Variants in CHIT1 observed in about 807,000 individuals in gnomAD.
CHIT1 encodes the protein chitotriosidase-1.
In CHIT1, 47 loss-of-function variants were observed where a neutral mutation model predicts 52.0. That is an observed-to-expected ratio of 0.90 (90% CI 0.71 to 1.15). The LOEUF (loss-of-function observed/expected upper bound fraction) is 1.15, where lower values mean the gene tolerates loss of function less well. Among genes scored for constraint, CHIT1 ranks in the 50% most tolerant of loss-of-function variants. CHIT1 has a pLI of 0.00. For missense variants in CHIT1, 569 were observed against 583.0 expected (o/e 0.98, Z 0.25); for synonymous variants, 242 against 228.2 (o/e 1.06, Z -0.54).
rs1289448096 is a variant in CHIT1, at chr1:203,220,621, C to A, written c.730-772G>T. On this transcript the variant is annotated intron_variant, in intron 7 of 10. Transcript: ENST00000367229. Reference sequence around the variant, plus strand: ...TTAAGCCAAGAGTATGGTTCACTTTCCCCCAGAAGCTGCCCTAGTTTTGTC... The same window carrying A: ...TTAAGCCAAGAGTATGGTTCACTTTACCCCAGAAGCTGCCCTAGTTTTGTC... Among the ~76,000 whole-genome samples the A allele has an allele frequency of 2.0e-5, 3 of 152,170 alleles. No homozygotes were observed. In the East Asian group the frequency reaches 5.8e-4, roughly 29 times the overall value.
chr1:203,224,360 G>A (rs564644497), intron 4 of CHIT1, among the ~76,000 whole-genome samples: 13 of 152,104 alleles, frequency 8.5e-5, no homozygotes, highest in East Asian at 1.9e-4. Context: ...AATTTAGTCC[G>A]AGGACACCAG....
rs1291671220 is a variant in CHIT1, at chr1:203,219,737, A to C, written c.842T>G (p.Val281Gly). ...GCCAGACCCTGTGGCTGGGGCCCCCACTCTGGTGTCTGATGAGGAGGCCAG... is the reference window on the plus strand; with the variant it reads ...GCCAGACCCTGTGGCTGGGGCCCCCCCTCTGGTGTCTGATGAGGAGGCCAG... ...FTLASSSDTRVGAPATGSGTP... is the reference protein window; with the variant it reads ...FTLASSSDTRGGAPATGSGTP... The change falls in exon 8 of 11, where the codon GTG (valine) becomes GGG (glycine). Residue 281 changes from valine (V) to glycine (G), a missense_variant. Val to Gly is a moderately radical substitution (Grantham distance 109, BLOSUM62 -3). Coordinates refer to ENST00000367229, the MANE Select transcript of CHIT1 (RefSeq NM_003465.3). The C allele has an allele frequency of 6.2e-7, 1 of 1,613,632 alleles. No homozygotes were observed. Among genetic ancestry groups the C allele is most frequent in the African/African-American group, 1.3e-5 (1 of 74,826 alleles).
At chr1:203,225,233 T>C (rs1279093241) in intron 3 of CHIT1, 129 bp from the exon 4 acceptor site, 3 of 816,970 alleles carry the variant, frequency 3.7e-6, no homozygotes, top group East Asian at 5.2e-5. Flanking sequence ...GAGACTGTAT[T>C]AGGCATTCTG....
intron 9 of CHIT1, 22 bp from the exon 10 acceptor site, chr1:203,217,887 T>C (rs1175818860): frequency 6.6e-7 from 1 of 1,522,284 alleles, no homozygotes; most frequent in African/African-American, 1.3e-5. Context: ...GGGGATGCAG[T>C]GGAGGAGCCC....
In CHIT1 at chr1:203,219,324, G is replaced by C; in HGVS notation, c.921C>G (p.Cys307Trp). 3.8e-6 allele frequency: 6 copies of C among 1,591,016 alleles called. No homozygotes were observed. The highest frequency in any genetic ancestry group is 4.3e-6 in the Non-Finnish European group (5 of 1,158,916). Residue 307 changes from cysteine to tryptophan, a missense_variant, in exon 9 of 11, where the codon TGC (cysteine) becomes TGG (tryptophan). Coordinates refer to ENST00000367229, the MANE Select transcript of CHIT1 (RefSeq NM_003465.3). The stretch of plus-strand genomic sequence containing the variant: ...TCTGTTTGGTGGCCCCCTTCCAGGA[G>C]CAGACCTGTGGGAGCAGAAGGCAGC... ...EGGMLAYYEV[C>W]SWKGATKQRI...
At position 203,216,355 on chromosome 1, in the gene CHIT1, A is replaced by C. The variant is rs73066394; in HGVS notation, c.*534T>G. The C allele has an allele frequency of 0.028, 12,894 of 454,014 alleles. 1,293 individuals carry two copies. The highest frequency in any genetic ancestry group is 0.22 in the African/African-American group (11,245 of 50,034). The allele number at this position is 454,014 out of a possible 1,614,324, so 28.1% of individuals were successfully genotyped here. A position where few individuals can be genotyped will look rare whatever the true frequency, so the allele number is the denominator to read the frequency against. On this transcript the variant is annotated 3_prime_UTR_variant, in exon 11 of 11. Transcript: ENST00000367229. ...TGAGTGGCTGCTCGCAGAGCGCTTA[A>C]ATCAGGGAAAAGTTCTTCTCTGCTG...
At chr1:203,228,703 G>A in intron 1 of CHIT1, 141 bp from the exon 2 acceptor site, 1 of 978,914 alleles carries the variant, frequency 1.0e-6, no homozygotes, top group Non-Finnish European at 1.6e-6. Flanking sequence ...AAGGGACCCA[G>A]GAGGGCACTG....
chr1:203,217,320 G>C, intron 10 of CHIT1, 187 bp from the exon 11 acceptor site: 1 of 1,529,696 alleles, frequency 6.5e-7, no homozygotes, highest in Non-Finnish European at 8.8e-7. Flanking sequence ...GAAGCACAGT[G>C]CCACAGGCAA....
chr1:203,225,154 C>T (rs771069028), intron 3 of CHIT1, 50 bp from the exon 4 acceptor site: 5 of 1,571,332 alleles, frequency 3.2e-6, no homozygotes, highest in Admixed American at 3.3e-5. Context: ...GCTCCCAGGG[C>T]ACCCTGGCAG....
At chr1:203,223,068 G>A (rs997701123) in intron 6 of CHIT1, 67 bp downstream of exon 6, 3 of 1,603,526 alleles carry the variant, frequency 1.9e-6, no homozygotes, top group African/African-American at 2.7e-5. Flanking sequence ...CCATGGGAAA[G>A]CTCAGTCTGC....
intron 2 of CHIT1, among the ~76,000 whole-genome samples, chr1:203,227,032 G>A (rs889829352): frequency 3.9e-5 from 6 of 152,120 alleles, no homozygotes; most frequent in Non-Finnish European, 8.8e-5. Flanking sequence ...TAGAACCTGG[G>A]ACTTCCCTTT....
intron 5 of CHIT1, 55 bp from the exon 6 acceptor site, chr1:203,223,314 C>T (rs529879573): frequency 1.0e-5 from 16 of 1,604,856 alleles, no homozygotes; most frequent in Middle Eastern, 1.7e-4. Flanking sequence ...CAGGCAGCCC[C>T]TGTGAGCCCC....
chr1:203,223,097 C>T (rs375335751), intron 6 of CHIT1, 38 bp downstream of exon 6: 9 of 1,613,226 alleles, frequency 5.6e-6, no homozygotes, highest in Non-Finnish European at 7.6e-6. Flanking sequence ...TCTCTTCCCT[C>T]AGAGAGCACA....
chr1:203,217,634 G>A, intron 10 of CHIT1, 105 bp downstream of exon 10: 1 of 1,566,500 alleles, frequency 6.4e-7, no homozygotes, highest in Admixed American at 1.7e-5. Context: ...TTGGGGCAAA[G>A]TCATTTCCTC....
intron 2 of CHIT1, among the ~76,000 whole-genome samples, chr1:203,227,331 G>A (rs1656962930): frequency 6.6e-6 from 1 of 152,188 alleles, no homozygotes; most frequent in African/African-American, 2.4e-5. Flanking sequence ...GAAAAGAAAG[G>A]AAGGAGGGGA....
At position 203,223,175 on chromosome 1, in the gene CHIT1, T is replaced by C. The variant is rs1167656625; in HGVS notation, c.565A>G (p.Thr189Ala). ...ACCTCGTATCCAGCATCCACATAGG[T>C]CTGCCCAGCTGGAACCGCTGCACTC... ...LLSAAVPAGQTYVDAGYEVDK... is the reference protein window; with the variant it reads ...LLSAAVPAGQAYVDAGYEVDK... Residue 189 changes from threonine to alanine, a missense_variant, in exon 6 of 11, where the codon ACC becomes GCC. Physicochemically the swap from Thr to Ala is moderately conservative, Grantham distance 58 (BLOSUM62 0). Transcript: ENST00000367229. The C allele has an allele frequency of 6.2e-7, 1 of 1,614,008 alleles. No individual in the cohort carries two copies. Among genetic ancestry groups the C allele is most frequent in the Non-Finnish European group, 8.5e-7 (1 of 1,180,034 alleles).
chr1:203,222,362 G>A, intron 6 of CHIT1, 37 bp from the exon 7 acceptor site: 1 of 1,614,064 alleles, frequency 6.2e-7, no homozygotes. Flanking sequence ...AGAAACAAGG[G>A]ATTGGGGGTG....
At chr1:203,229,907 C>T, upstream of CHIT1, 5 of 522,318 alleles carry the variant, frequency 9.6e-6, no homozygotes, top group South Asian at 7.6e-5. Context: ...GGAAGTGGCC[C>T]TGAACCTCCT....
At chr1:203,223,875 C>T (rs896858775) in intron 4 of CHIT1, among the ~76,000 whole-genome samples, 5 of 152,102 alleles carry the variant, frequency 3.3e-5, no homozygotes, top group East Asian at 1.9e-4. Flanking sequence ...TTTCTACCCC[C>T]GAACATCGAC....
Sources: allele counts gnomAD v4.1 joint callset (sites outside exome capture counted in the v4.1 genomes callset), GRCh38; gene constraint gnomAD v4.1.1; transcripts MANE v1.5; gene names NCBI Gene and HGNC (gene_info 2026-07-23, HGNC 2026-07-21).